ZNF606: variants seen among roughly 807,000 people sequenced by gnomAD.
The protein encoded by ZNF606 is zinc finger protein 606.
Under a neutral mutation model 74.9 loss-of-function variants are expected in ZNF606, and 37 were observed. The ratio of observed to expected loss-of-function variants is 0.49; its 90% CI spans 0.38 to 0.65. ZNF606 has a LOEUF of 0.65. Among genes scored for constraint, ZNF606 ranks in the 30% least tolerant of loss-of-function variants. The pLI is 0.00. For synonymous variants in ZNF606, 328 were observed against 312.4 expected, an observed-to-expected ratio of 1.05 and a Z score of -0.53; for missense variants, 852 against 952.9, an observed-to-expected ratio of 0.89 and a Z score of 1.39.
chr19:57,983,503 G>A lies in ZNF606; in HGVS notation c.401-3224C>T, dbSNP rs774329887. Among the ~76,000 whole-genome samples, 51 of 151,868 alleles carry A rather than the reference G, an allele frequency of 3.4e-4. 1 individual carries two copies. The highest frequency in any genetic ancestry group is 6.6e-4 in the Non-Finnish European group (45 of 67,962). ...TGAGACAGGAGAATTGCTTGAACCCGGGAGGTGGAGGTTGCAGTGAGCCAA... is the reference window on the plus strand; with the variant it reads ...TGAGACAGGAGAATTGCTTGAACCCAGGAGGTGGAGGTTGCAGTGAGCCAA... On this transcript the variant is annotated intron_variant, in intron 6 of 6. Transcript: ENST00000551380.
At chr19:57,985,567 C>G (rs189914282) in intron 6 of ZNF606, among the ~76,000 whole-genome samples, 2 of 152,118 alleles carry the variant, frequency 1.3e-5, no homozygotes, top group East Asian at 3.9e-4. Flanking sequence ...AATGAAAGAG[C>G]TGAGGAATGA....
At chr19:57,982,230 C>T (rs1201209707) in intron 6 of ZNF606, among the ~76,000 whole-genome samples, 1 of 152,104 alleles carries the variant, frequency 6.6e-6, no homozygotes, top group Non-Finnish European at 1.5e-5. Context: ...TAGAAGCTGC[C>T]CCAATTCCTT....
chr19:57,980,891 C>T (rs190777665), intron 6 of ZNF606, among the ~76,000 whole-genome samples: 2 of 151,392 alleles, frequency 1.3e-5, no homozygotes, highest in South Asian at 4.2e-4. Context: ...GCCTGACGTG[C>T]TCAAACCTTG....
chr19:57,990,409 C>T (rs1277935587), intron 4 of ZNF606, among the ~76,000 whole-genome samples: 1 of 151,394 alleles, frequency 6.6e-6, no homozygotes, highest in Non-Finnish European at 1.5e-5. Context: ...TGGTGGTGCA[C>T]ACCTGTAGTC....
In ZNF606 at chr19:58,002,678, G is replaced by A. The variant is rs2073458650; in HGVS notation, c.-334C>T. 1 of 454,466 alleles carries A rather than the reference G, an allele frequency of 2.2e-6. No homozygotes were observed. The highest frequency in any genetic ancestry group is 4.4e-6 in the Non-Finnish European group (1 of 225,988). 28.2% of individuals were successfully genotyped at this position (454,466 alleles called of 1,614,324 possible). ...ACGGCGCAAAGCCGGCGCGGAAAGG[G>A]CAGGCGCAGGACCCACCCTGACGCC... On this transcript the variant is annotated 5_prime_UTR_variant, in exon 1 of 7. Transcript: ENST00000551380.
intron 1 of ZNF606, 130 bp from the exon 2 acceptor site, chr19:58,001,500 A>G: frequency 1.5e-6 from 1 of 673,764 alleles, no homozygotes; most frequent in Non-Finnish European, 2.6e-6. Context: ...AAGAGAATTT[A>G]CATGTCAAAA....
Position 57,999,791 on chromosome 19 carries a change from G to A in ZNF606, c.177+17C>T, listed in dbSNP as rs375089292. 1 of 1,612,650 alleles carries A rather than the reference G, an allele frequency of 6.2e-7. No individual in the cohort carries two copies. The highest frequency in any genetic ancestry group is 8.5e-7 in the Non-Finnish European group (1 of 1,178,810). ...ACCTGGACATCATCCTCTGGGAACA[G>A]GACAGCCCCATCTCACCTGAACCTG... On this transcript the variant is annotated intron_variant, in intron 4 of 6. Transcript: ENST00000551380.
At chr19:57,988,143 T>C in intron 6 of ZNF606, 64 bp downstream of exon 6, 1 of 1,360,528 alleles carries the variant, frequency 7.4e-7, no homozygotes, top group South Asian at 1.3e-5. Context: ...CATGGCCTTA[T>C]CCCATTTCTC....
chr19:57,990,021 C>T (rs1336023404), intron 4 of ZNF606, among the ~76,000 whole-genome samples: 2 of 120,194 alleles, frequency 1.7e-5, no homozygotes, highest in East Asian at 2.5e-4. Context: ...CACTGCACTC[C>T]AGCCTGGATG....
chr19:57,994,208 G>C (rs2073302349), intron 4 of ZNF606, among the ~76,000 whole-genome samples: 1 of 152,092 alleles, frequency 6.6e-6, no homozygotes, highest in Admixed American at 6.5e-5. Context: ...ACAGCAACTA[G>C]TTCAGGAGGC....
At position 58,002,762 on chromosome 19, in the gene ZNF606, C is replaced by G. The variant is rs572077898; in HGVS notation, c.-418G>C. On this transcript the variant is annotated 5_prime_UTR_variant, in exon 1 of 7. Transcript: ENST00000551380. Reference sequence around the variant, plus strand: ...CCCCGCAGCTACGGCGGCCCCACAGCCTGAGCAAAGGCCTCACCTCAGCCG... The same window carrying G: ...CCCCGCAGCTACGGCGGCCCCACAGGCTGAGCAAAGGCCTCACCTCAGCCG... 1 of 454,478 alleles carries G rather than the reference C, an allele frequency of 2.2e-6. No individual in the cohort carries two copies. The highest frequency in any genetic ancestry group is 7.1e-5 in the East Asian group (1 of 14,148). The allele number at this position is 454,478 out of a possible 1,614,324, so 28.2% of individuals were successfully genotyped here. A position where few individuals can be genotyped will look rare whatever the true frequency, so the allele number is the denominator to read the frequency against.
At chr19:57,994,012 G>A (rs556936830) in intron 4 of ZNF606, among the ~76,000 whole-genome samples, 1 of 152,162 alleles carries the variant, frequency 6.6e-6, no homozygotes, top group Admixed American at 6.5e-5. Flanking sequence ...CAGATAAAGC[G>A]ACTGAACTAA....
In ZNF606 at chr19:57,978,278, A is replaced by G; in HGVS notation, c.*23T>C. On this transcript the variant is annotated 3_prime_UTR_variant, in exon 7 of 7. Coordinates refer to ENST00000551380, the MANE Select transcript of ZNF606 (RefSeq NM_001348022.3). This position sits in a 1 kb window ranked among gnomAD's most constrained non-coding sequence, Gnocchi z 4.4. ...TCCTCAATGTGTTGTCAAATGTACA[A>G]GAAACGAAAAACTCGCATAAATTCA... The G allele has an allele frequency of 1.3e-6, 2 of 1,534,186 alleles. No homozygotes were observed. The highest frequency in any genetic ancestry group is 1.3e-5 in the South Asian group (1 of 77,290).
At chr19:57,993,723 G>A (rs1165697363) in intron 4 of ZNF606, among the ~76,000 whole-genome samples, 4 of 152,228 alleles carry the variant, frequency 2.6e-5, no homozygotes, top group Non-Finnish European at 5.9e-5. Flanking sequence ...GGTGAGTGGA[G>A]ACCTCTTCAG....
At chr19:57,987,342 C>A (rs1600219501) in intron 6 of ZNF606, among the ~76,000 whole-genome samples, 2 of 152,036 alleles carry the variant, frequency 1.3e-5, no homozygotes, top group South Asian at 4.1e-4. Context: ...ACATCCCAGG[C>A]TCAAGCAATC....
At chr19:57,988,978 C>A (rs1243434379) in intron 4 of ZNF606, among the ~76,000 whole-genome samples, 1 of 152,198 alleles carries the variant, frequency 6.6e-6, no homozygotes, top group Non-Finnish European at 1.5e-5. Flanking sequence ...TTCGAAGACT[C>A]TTGCCAAATT....
chr19:58,001,813 CTTTA>C (rs2073434289), intron 1 of ZNF606, among the ~76,000 whole-genome samples: 1 of 152,172 alleles, frequency 6.6e-6, no homozygotes, highest in African/African-American at 2.4e-5. Context: ...GATTGCACAA[CTTTA>C]TTAATATACA....
chr19:58,000,595 G>A (rs1387694678), intron 3 of ZNF606, 88 bp downstream of exon 3: 1 of 1,414,262 alleles, frequency 7.1e-7, no homozygotes, highest in South Asian at 1.1e-5. Flanking sequence ...GCCCCACCTG[G>A]TCCCCATTCT....
At chr19:57,986,287 G>A (rs2073162396) in intron 6 of ZNF606, among the ~76,000 whole-genome samples, 1 of 152,028 alleles carries the variant, frequency 6.6e-6, no homozygotes, top group African/African-American at 2.4e-5. Context: ...AGGAGTTTAA[G>A]ACCAGCCTAG....
Sources: gnomAD v4.1 joint callset for allele counts (sites outside exome capture counted in the v4.1 genomes callset) on GRCh38, gnomAD v4.1.1 for gene constraint, Gnocchi (gnomAD v3.1) non-coding constraint, MANE v1.5 for transcripts, NCBI Gene and HGNC (gene_info 2026-07-23, HGNC 2026-07-21) for gene names.